The following GPC6 variants were observed in gnomAD, a reference collection of about 807,000 sequenced individuals.
GPC6 encodes glypican-6.
GPC6 carries 14 observed loss-of-function variants against 55.2 expected under a neutral mutation model. That is an observed-to-expected ratio of 0.25 (90% CI 0.17 to 0.40). The LOEUF (loss-of-function observed/expected upper bound fraction) is 0.40, where lower values mean the gene tolerates loss of function less well. Among genes scored for constraint, GPC6 ranks in the 10% least tolerant of loss-of-function variants. The probability of loss-of-function intolerance (pLI) is 1.00; values close to 1 mark genes in which losing one functional copy is unlikely to be tolerated. For synonymous variants in GPC6, 278 were observed against 259.6 expected, an observed-to-expected ratio of 1.07 and a Z score of -0.68; for missense variants, 641 against 708.5, an observed-to-expected ratio of 0.90 and a Z score of 1.08.
chr13:93,309,812 C>A (rs1879004536), intron 1 of GPC6, among the ~76,000 whole-genome samples: 1 of 152,100 alleles, frequency 6.6e-6, no homozygotes, highest in African/African-American at 2.4e-5. Context: ...CTTGATGGTT[C>A]TTCTTTACTT....
At position 93,440,164 on chromosome 13, in the gene GPC6, A is replaced by T. The variant is rs1877734016; in HGVS notation, c.161-105099A>T. Among the ~76,000 whole-genome samples the T allele has an allele frequency of 3.9e-5, 6 of 152,206 alleles. 1 individual carries two copies. In the South Asian group the frequency reaches 1.2e-3, roughly 31 times the overall value. ...TGATAATCAAGGCCAAGAGTATCATATAAAAAATTTTCTCATAATCAACTT... is the reference window on the plus strand; with the variant it reads ...TGATAATCAAGGCCAAGAGTATCATTTAAAAAATTTTCTCATAATCAACTT... On this transcript the variant is annotated intron_variant, in intron 1 of 8. Transcript: ENST00000377047.
At chr13:93,835,066 C>T (rs1887681402) in intron 3 of GPC6, among the ~76,000 whole-genome samples, 2 of 152,152 alleles carry the variant, frequency 1.3e-5, no homozygotes, top group African/African-American at 4.8e-5. Context: ...CTGCTTAAAC[C>T]AGTCTTTATT....
In GPC6 at chr13:94,407,782, C is replaced by G. The variant is rs1881424883; in HGVS notation, c.*4565C>G. Among the ~76,000 whole-genome samples the G allele has an allele frequency of 6.6e-6, 1 of 152,096 alleles. No homozygotes were observed. Among genetic ancestry groups the G allele is most frequent in the Non-Finnish European group, 1.5e-5 (1 of 67,994 alleles). On this transcript the variant is annotated 3_prime_UTR_variant, in exon 9 of 9. Coordinates refer to ENST00000377047, the MANE Select transcript of GPC6 (RefSeq NM_005708.5). ...GCCAATTGCATTGATTTTTATACTT[C>G]TGAAATGTTTCCATCCTCTCAGGCA...
At chr13:93,621,404 T>C (rs1401348169) in intron 2 of GPC6, among the ~76,000 whole-genome samples, 1 of 152,144 alleles carries the variant, frequency 6.6e-6, no homozygotes, top group Non-Finnish European at 1.5e-5. Context: ...AATAAGACCA[T>C]AAAAATGGTA....
At chr13:93,815,536 A>AT (rs1396806027) in intron 2 of GPC6, among the ~76,000 whole-genome samples, 6 of 152,154 alleles carry the variant, frequency 3.9e-5, no homozygotes, top group Non-Finnish European at 5.9e-5. Context: ...ATTAAAGATG[A>AT]TTGTTTTTTG....
intron 2 of GPC6, among the ~76,000 whole-genome samples, chr13:93,806,447 C>G (rs1023745246): frequency 2.0e-5 from 3 of 152,176 alleles, no homozygotes; most frequent in Admixed American, 1.3e-4. Flanking sequence ...AAACAATTCT[C>G]CCGCCTCAGT....
chr13:94,082,555 A>G (rs1428538077), intron 4 of GPC6, among the ~76,000 whole-genome samples: 1 of 152,106 alleles, frequency 6.6e-6, no homozygotes, highest in African/African-American at 2.4e-5. Context: ...TGACATCTCA[A>G]GTGTTGTTAG....
At chr13:94,360,710 C>CG (rs1879020848) in intron 6 of GPC6, among the ~76,000 whole-genome samples, 2 of 152,086 alleles carry the variant, frequency 1.3e-5, no homozygotes, top group Non-Finnish European at 2.9e-5. Flanking sequence ...TGCTATCCTC[C>CG]TCCCCCCAAA....
intron 3 of GPC6, among the ~76,000 whole-genome samples, chr13:93,883,613 T>C (rs1766039669): frequency 6.6e-6 from 1 of 152,122 alleles, no homozygotes; most frequent in Non-Finnish European, 1.5e-5. Flanking sequence ...TTTTGAGAAT[T>C]GTCTATTCAT....
In GPC6 at chr13:93,949,401, T is replaced by C. The variant is rs1879151949; in HGVS notation, c.712-78328T>C. Among the ~76,000 whole-genome samples the C allele has an allele frequency of 2.6e-5, 4 of 152,242 alleles. No individual in the cohort carries two copies. The South Asian group carries it at 8.3e-4, about 31-fold the overall frequency. ...GAGTTTCTGTGTGTGTGTTTAATTA[T>C]GGTTGATAGTCCAATAAGAAATAAC... On this transcript the variant is annotated intron_variant, in intron 3 of 8. Transcript: ENST00000377047.
At chr13:93,795,036 A>G (rs1363962901) in intron 2 of GPC6, among the ~76,000 whole-genome samples, 3 of 152,184 alleles carry the variant, frequency 2.0e-5, no homozygotes, top group African/African-American at 4.8e-5. Flanking sequence ...AAATGATTCT[A>G]GTTGAACCAA....
chr13:93,862,455 A>C (rs1377436528), intron 3 of GPC6, among the ~76,000 whole-genome samples: 1 of 151,600 alleles, frequency 6.6e-6, no homozygotes, highest in Non-Finnish European at 1.5e-5. Context: ...ATTGCATCTG[A>C]TTCAGCCAGC....
At chr13:93,579,272 A>G (rs2139485978) in intron 2 of GPC6, among the ~76,000 whole-genome samples, 1 of 152,282 alleles carries the variant, frequency 6.6e-6, no homozygotes, top group East Asian at 1.9e-4. Context: ...TAGAGAAAAG[A>G]TAAATATTGA....
intron 4 of GPC6, among the ~76,000 whole-genome samples, chr13:94,060,212 C>T (rs576989308): frequency 3.2e-4 from 48 of 152,300 alleles, no homozygotes; most frequent in Admixed American, 2.3e-3. Flanking sequence ...TGTCTCCAAT[C>T]GCTGGTACCA....
At chr13:93,904,012 C>T (rs922783066) in intron 3 of GPC6, among the ~76,000 whole-genome samples, 1 of 151,972 alleles carries the variant, frequency 6.6e-6, no homozygotes, top group Non-Finnish European at 1.5e-5. Context: ...TAAAGTGATA[C>T]CTGTCATAAC....
intron 1 of GPC6, among the ~76,000 whole-genome samples, chr13:93,356,439 A>C (rs1308478045): frequency 1.3e-5 from 2 of 152,192 alleles, no homozygotes; most frequent in African/African-American, 4.8e-5. Context: ...TGAAGAAGGC[A>C]TTTCCCTTTC....
chr13:93,661,246 C>G (rs534817017), intron 2 of GPC6, among the ~76,000 whole-genome samples: 1 of 152,172 alleles, frequency 6.6e-6, no homozygotes, highest in Admixed American at 6.5e-5. Context: ...GAGAGCCTCA[C>G]TCTGTCACCC....
chr13:94,207,387 G>T (rs1489363650), intron 4 of GPC6, among the ~76,000 whole-genome samples: 2 of 152,192 alleles, frequency 1.3e-5, no homozygotes, highest in East Asian at 3.9e-4. Flanking sequence ...GCCCTCTGAA[G>T]TAAATGTAAT....
intron 2 of GPC6, among the ~76,000 whole-genome samples, chr13:93,775,020 C>G (rs1019096418): frequency 6.6e-6 from 1 of 152,100 alleles, no homozygotes; most frequent in African/African-American, 2.4e-5. Flanking sequence ...GAAAAAGGAG[C>G]AAACACAGAT....
Sources: allele counts gnomAD v4.1 joint callset (sites outside exome capture counted in the v4.1 genomes callset), GRCh38; gene constraint gnomAD v4.1.1; transcripts MANE v1.5; gene names NCBI Gene and HGNC (gene_info 2026-07-23, HGNC 2026-07-21).